Variants in DACH2 observed in about 807,000 individuals in gnomAD.
The protein encoded by DACH2 is dachshund homolog 2.
A neutral mutation model predicts 35.8 loss-of-function variants in DACH2; 17 were observed. The observed-to-expected ratio is 0.48, with a 90% CI of 0.33 to 0.71. DACH2 has a LOEUF of 0.71. DACH2 is among the 30% of genes least tolerant of loss of function. The probability of loss-of-function intolerance (pLI) is 0.02; values close to 1 mark genes in which losing one functional copy is unlikely to be tolerated. For missense variants in DACH2, 469 were observed against 472.7 expected, an observed-to-expected ratio of 0.99 and a Z score of 0.07; for synonymous variants, 195 against 177.3, an observed-to-expected ratio of 1.10 and a Z score of -0.79.
intron 1 of DACH2, among the ~76,000 whole-genome samples, chrX:86,168,142 A>G (rs2031005000): frequency 9.0e-6 from 1 of 111,465 alleles, no homozygotes; most frequent in Admixed American, 9.5e-5. Flanking sequence ...TAAGGTGTTG[A>G]AATCTTATTA....
chrX:86,570,700 A>C (rs1342926732), intron 3 of DACH2, among the ~76,000 whole-genome samples: 1 of 110,654 alleles, frequency 9.0e-6, no homozygotes, highest in Non-Finnish European at 1.9e-5. Context: ...CCTATGTAAC[A>C]GACCTCACAT....
intron 3 of DACH2, among the ~76,000 whole-genome samples, chrX:86,600,486 C>A (rs2148358143): frequency 8.9e-6 from 1 of 112,174 alleles, no homozygotes; most frequent in South Asian, 3.7e-4. Context: ...GTTTAGGCAA[C>A]AATTTCTCAT....
At chrX:86,655,213 A>T (rs1263871119) in intron 4 of DACH2, among the ~76,000 whole-genome samples, 1 of 112,065 alleles carries the variant, frequency 8.9e-6, no homozygotes. Context: ...TAGGACTGGG[A>T]AATTTAATCC....
intron 5 of DACH2, among the ~76,000 whole-genome samples, chrX:86,707,912 TAAAA>T (rs56293403): frequency 2.9e-5 from 1 of 34,562 alleles, no homozygotes; most frequent in Admixed American, 5.5e-4. Context: ...AGACTCCATC[TAAAA>T]AAAAAAAAAA....
At chrX:86,753,979 A>G (rs1305534449) in intron 7 of DACH2, among the ~76,000 whole-genome samples, 1 of 110,422 alleles carries the variant, frequency 9.1e-6, no homozygotes, top group Non-Finnish European at 1.9e-5. Context: ...AAGGAATCCA[A>G]CCACCATGAG....
intron 3 of DACH2, among the ~76,000 whole-genome samples, chrX:86,541,880 G>A (rs1327252842): frequency 9.0e-6 from 1 of 111,237 alleles, no homozygotes; most frequent in African/African-American, 3.3e-5. Context: ...TTCATCCAAG[G>A]AGTTCTAACT....
rs5968977 is a variant in DACH2 at position 86,714,756 on chromosome X, A to C, written c.1104+36A>C. 8.1e-3 allele frequency: 8,634 copies of C among 1,066,533 alleles called. 430 individuals carry two copies. The African/African-American group carries it at 0.14, about 18-fold the overall frequency. 87.9% of individuals were successfully genotyped at this position (1,066,533 alleles called of 1,213,427 possible). ...TGATTTAGAAAAGGACAAAGGTGTC[A>C]ATTTCATGCAAATTTTGATAAAATA... On this transcript the variant is annotated intron_variant, in intron 6 of 11. Transcript: ENST00000373125.
intron 1 of DACH2, among the ~76,000 whole-genome samples, chrX:86,179,308 G>A (rs1027520888): frequency 8.9e-6 from 1 of 112,072 alleles, no homozygotes; most frequent in Non-Finnish European, 1.9e-5. Flanking sequence ...TTGTATGAAC[G>A]AACAGCAAAA....
chrX:86,815,972 C>T, intron 10 of DACH2, 62 bp from the exon 11 acceptor site: 1 of 954,221 alleles, frequency 1.0e-6, no homozygotes. Flanking sequence ...CTGGAGTTTT[C>T]CCTTTAAATG....
chrX:86,452,045 G>A (rs2037387473), intron 2 of DACH2, among the ~76,000 whole-genome samples: 1 of 111,630 alleles, frequency 9.0e-6, no homozygotes, highest in Non-Finnish European at 1.9e-5. Flanking sequence ...AAGGGATGTT[G>A]AATTTTATCA....
chrX:86,296,600 G>A (rs1239089800), intron 1 of DACH2, among the ~76,000 whole-genome samples: 2 of 110,418 alleles, frequency 1.8e-5, no homozygotes, highest in African/African-American at 3.3e-5. Context: ...TTCATTATTA[G>A]ACCCTCTTTG....
intron 1 of DACH2, among the ~76,000 whole-genome samples, chrX:86,312,788 T>C (rs1453318841): frequency 2.7e-5 from 3 of 111,676 alleles, no homozygotes; most frequent in Non-Finnish European, 5.6e-5. Flanking sequence ...GCAGACAGCC[T>C]ATTGTGGGAC....
chrX:86,346,767 C>T (rs750215124), intron 1 of DACH2, among the ~76,000 whole-genome samples: 1 of 111,620 alleles, frequency 9.0e-6, no homozygotes, highest in Non-Finnish European at 1.9e-5. Flanking sequence ...TGCACTGAAA[C>T]CTTACGGAAG....
At chrX:86,347,068 G>A (rs1006100492) in intron 1 of DACH2, among the ~76,000 whole-genome samples, 5 of 111,410 alleles carry the variant, frequency 4.5e-5, no homozygotes, top group African/African-American at 1.6e-4. Context: ...GAAAATTTTG[G>A]GTAGTGATTC....
intron 1 of DACH2, among the ~76,000 whole-genome samples, chrX:86,317,116 C>CAA (rs35386773): frequency 0.015 from 1,016 of 65,980 alleles, 11 homozygotes; most frequent in African/African-American, 0.028. Context: ...GACTCCATCT[C>CAA]AAAAAAAAAA....
intron 2 of DACH2, among the ~76,000 whole-genome samples, chrX:86,407,941 C>CT (rs1162533271): frequency 1.3e-4 from 14 of 109,664 alleles, no homozygotes; most frequent in East Asian, 2.9e-4. Context: ...TTATTTTTCT[C>CT]TTTTTTTTTC....
chrX:86,376,863 G>A lies in DACH2; in HGVS notation c.527+1G>A. The A allele has an allele frequency of 1.3e-6, 1 of 748,208 alleles. No individual in the cohort carries two copies. Among genetic ancestry groups the A allele is most frequent in the South Asian group, 2.3e-5 (1 of 43,276 alleles). The allele number at this position is 748,208 out of a possible 1,213,427, so 61.7% of individuals were successfully genotyped here. On this transcript the variant is annotated splice_donor_variant, in intron 2 of 11. Transcript: ENST00000373125. LOFTEE classifies it high-confidence loss of function. ...TGACAAGAAAACAAGCTGTTAACAGGTATTTATGTATTTATTTTTTAAAAA... is the reference window on the plus strand; with the variant it reads ...TGACAAGAAAACAAGCTGTTAACAGATATTTATGTATTTATTTTTTAAAAA...
intron 5 of DACH2, among the ~76,000 whole-genome samples, chrX:86,704,239 C>A (rs5968972): frequency 0.23 from 25,530 of 110,375 alleles, 2,434 homozygotes; most frequent in East Asian, 0.48. Flanking sequence ...AATTGGATAA[C>A]CATGTGTAGA....
intron 3 of DACH2, among the ~76,000 whole-genome samples, chrX:86,626,646 T>G (rs1305719660): frequency 1.8e-5 from 2 of 113,204 alleles, no homozygotes; most frequent in Middle Eastern, 4.6e-3. Context: ...GAAATCTAGG[T>G]GGAGGTTCCC....
Sources: allele counts gnomAD v4.1 joint callset (sites outside exome capture counted in the v4.1 genomes callset), GRCh38; gene constraint gnomAD v4.1.1; transcripts MANE v1.5; gene names NCBI Gene and HGNC (gene_info 2026-07-23, HGNC 2026-07-21).